The following WLS variants were observed in gnomAD, a reference collection of about 807,000 sequenced individuals.
WLS encodes the protein protein wntless homolog.
A neutral mutation model predicts 62.8 loss-of-function variants in WLS; 23 were observed. The ratio of observed to expected loss-of-function variants is 0.37; its 90% CI spans 0.26 to 0.52. WLS has a LOEUF of 0.52. Ranked by LOEUF, WLS falls within the 20% of genes least tolerant of loss-of-function variation. The probability of loss-of-function intolerance (pLI) is 0.92; values close to 1 mark genes in which losing one functional copy is unlikely to be tolerated. For synonymous variants in WLS, 246 were observed against 244.1 expected, an observed-to-expected ratio of 1.01 and a Z score of -0.07; for missense variants, 615 against 697.3, an observed-to-expected ratio of 0.88 and a Z score of 1.33.
At chr1:68,227,368 T>G (rs1435812092) in intron 1 of WLS, among the ~76,000 whole-genome samples, 1 of 140,662 alleles carries the variant, frequency 7.1e-6, no homozygotes, top group Non-Finnish European at 1.5e-5. Context: ...AGTGAGCCAT[T>G]GCACTTCAGC....
At chr1:68,169,425 GGA>G (rs1647113065) in intron 2 of WLS, among the ~76,000 whole-genome samples, 1 of 152,172 alleles carries the variant, frequency 6.6e-6, no homozygotes. Flanking sequence ...TCACCAGGTT[GGA>G]GAGTAGCTCT....
intron 1 of WLS, among the ~76,000 whole-genome samples, chr1:68,224,631 C>A (rs113813982): frequency 1.3e-5 from 2 of 152,154 alleles, no homozygotes; most frequent in Non-Finnish European, 2.9e-5. Context: ...AGAAACACTG[C>A]CAATATTTAC....
At chr1:68,206,906 A>G (rs894993362) in intron 1 of WLS, among the ~76,000 whole-genome samples, 1 of 152,326 alleles carries the variant, frequency 6.6e-6, no homozygotes, top group Admixed American at 6.5e-5. Context: ...TTATATTCCA[A>G]GAGTTCTGGC....
chr1:68,142,592 T>C (rs1026671180), intron 10 of WLS: 1 of 152,248 alleles, frequency 6.6e-6, no homozygotes, highest in Non-Finnish European at 1.5e-5. Context: ...TTGAAATAGT[T>C]TTACTGCAAA....
intron 1 of WLS, among the ~76,000 whole-genome samples, chr1:68,201,793 C>CA (rs534426056): frequency 7.5e-4 from 114 of 152,174 alleles, no homozygotes; most frequent in African/African-American, 2.7e-3. Context: ...GAGTTGAATG[C>CA]AAAATAATTT....
At chr1:68,170,165 T>TTTCTTTTTTTC (rs1553131211) in intron 2 of WLS, among the ~76,000 whole-genome samples, 4 of 141,040 alleles carry the variant, frequency 2.8e-5, no homozygotes, top group Admixed American at 7.1e-5. Context: ...TATTTCTTTT[T>TTTCTTTTTTTC]TTTTTTTTTT....
At chr1:68,161,063 A>G (rs1392883747) in intron 2 of WLS, among the ~76,000 whole-genome samples, 1 of 152,220 alleles carries the variant, frequency 6.6e-6, no homozygotes, top group African/African-American at 2.4e-5. Flanking sequence ...TTTCCACTCA[A>G]TAAAACAGCA....
At chr1:68,213,592 C>T (rs907620393) in intron 1 of WLS, among the ~76,000 whole-genome samples, 2 of 151,904 alleles carry the variant, frequency 1.3e-5, no homozygotes, top group Non-Finnish European at 2.9e-5. Flanking sequence ...AATTTGGCAC[C>T]TTGAGTGAGA....
At chr1:68,178,713 A>AAAAAAAAG (rs1356967599) in intron 2 of WLS, among the ~76,000 whole-genome samples, 2 of 151,950 alleles carry the variant, frequency 1.3e-5, no homozygotes, top group African/African-American at 4.8e-5. Context: ...TTCAAAAAAA[A>AAAAAAAAG]AAAAAAGAAA....
intron 11 of WLS, among the ~76,000 whole-genome samples, chr1:68,106,211 C>T (rs1019048825): frequency 1.4e-4 from 22 of 152,112 alleles, no homozygotes; most frequent in East Asian, 9.7e-4. Flanking sequence ...TATTAAAAGG[C>T]ACTTCGAGCC....
chr1:68,117,410 C>T (rs1646306641), intron 11 of WLS: 1 of 152,244 alleles, frequency 6.6e-6, no homozygotes. Flanking sequence ...TTCTGCTGTC[C>T]ATTATACAGC....
chr1:68,230,495 G>A (rs1571049022), intron 1 of WLS, among the ~76,000 whole-genome samples: 2 of 152,100 alleles, frequency 1.3e-5, no homozygotes, highest in East Asian at 2.0e-4. Context: ...AAGGTATTAA[G>A]AGCCTCGAAA....
At chr1:68,221,176 G>A (rs1364878802) in intron 1 of WLS, among the ~76,000 whole-genome samples, 1 of 152,112 alleles carries the variant, frequency 6.6e-6, no homozygotes, top group African/African-American at 2.4e-5. Flanking sequence ...TCCTGTTTGG[G>A]CATGTTCAAA....
intron 2 of WLS, among the ~76,000 whole-genome samples, chr1:68,166,621 C>T (rs920733111): frequency 6.6e-6 from 1 of 152,208 alleles, no homozygotes; most frequent in African/African-American, 2.4e-5. Context: ...TCAACACAAA[C>T]TAAATACCTT....
chr1:68,204,598 C>T (rs1181359552), intron 1 of WLS, among the ~76,000 whole-genome samples: 2 of 152,136 alleles, frequency 1.3e-5, no homozygotes, highest in African/African-American at 2.4e-5. Context: ...TGAGCCACCG[C>T]GCCCGGCCGG....
intron 1 of WLS, among the ~76,000 whole-genome samples, chr1:68,211,443 T>C (rs1230301898): frequency 6.6e-6 from 1 of 152,138 alleles, no homozygotes; most frequent in Non-Finnish European, 1.5e-5. Flanking sequence ...CTAAGAGAAT[T>C]TTCCCTATCG....
At chr1:68,137,754 G>A (rs1196282284) in intron 11 of WLS, 26 bp downstream of exon 11, 1 of 1,605,566 alleles carries the variant, frequency 6.2e-7, no homozygotes, top group Non-Finnish European at 8.5e-7. Flanking sequence ...CCTGACTTAA[G>A]CTGTTCTAAA....
intron 11 of WLS, among the ~76,000 whole-genome samples, chr1:68,113,856 A>G (rs1179091487): frequency 6.6e-6 from 1 of 152,272 alleles, no homozygotes; most frequent in African/African-American, 2.4e-5. Context: ...GAAAGGGAGC[A>G]GAACGATAAT....
At chr1:68,118,741 G>T (rs1646326199) in intron 11 of WLS, among the ~76,000 whole-genome samples, 1 of 151,818 alleles carries the variant, frequency 6.6e-6, no homozygotes, top group African/African-American at 2.4e-5. Context: ...TGGGCGTGGT[G>T]GCAGATGCCT....
Sources: gnomAD v4.1 joint callset for allele counts (sites outside exome capture counted in the v4.1 genomes callset) on GRCh38, gnomAD v4.1.1 for gene constraint, MANE v1.5 for transcripts, NCBI Gene and HGNC (gene_info 2026-07-23, HGNC 2026-07-21) for gene names.